LPO: variants seen among roughly 807,000 people sequenced by gnomAD.
LPO encodes salivary peroxidase.
LPO carries 70 observed loss-of-function variants against 68.4 expected under a neutral mutation model. The ratio of observed to expected loss-of-function variants is 1.02; its 90% CI spans 0.84 to 1.25. LPO has a LOEUF of 1.25. Ranked by LOEUF, LPO falls within the 50% of genes most tolerant of loss-of-function variation. The probability of loss-of-function intolerance (pLI) is 0.00; values close to 1 mark genes in which losing one functional copy is unlikely to be tolerated. For synonymous variants in LPO, 360 were observed against 357.6 expected, an observed-to-expected ratio of 1.01 and a Z score of -0.08; for missense variants, 873 against 908.4, an observed-to-expected ratio of 0.96 and a Z score of 0.50.
chr17:58,256,457 A>G (rs1007035462), intron 9 of LPO, among the ~76,000 whole-genome samples: 2 of 150,412 alleles, frequency 1.3e-5, no homozygotes, highest in African/African-American at 4.9e-5. Context: ...GTAGGCGCCT[A>G]TATGTATGGG....
At chr17:58,246,964 G>A (rs1391044853) in intron 3 of LPO, among the ~76,000 whole-genome samples, 1 of 152,160 alleles carries the variant, frequency 6.6e-6, no homozygotes, top group Non-Finnish European at 1.5e-5. Flanking sequence ...TGCCTCAAGG[G>A]CACACAACTA....
At chr17:58,247,875 C>T (rs1047274715) in intron 4 of LPO, among the ~76,000 whole-genome samples, 1 of 152,180 alleles carries the variant, frequency 6.6e-6, no homozygotes, top group Non-Finnish European at 1.5e-5. Flanking sequence ...CTCACATGGC[C>T]GACTCCAAGT....
At chr17:58,254,434 A>T (rs1970028961) in intron 8 of LPO, 1 of 156,684 alleles carries the variant, frequency 6.4e-6, no homozygotes, top group Admixed American at 6.4e-5. Context: ...CTCCTCATTC[A>T]TTCGAAGCTC....
intron 4 of LPO, among the ~76,000 whole-genome samples, chr17:58,248,171 A>C (rs1176150696): frequency 1.3e-5 from 2 of 152,034 alleles, no homozygotes; most frequent in Non-Finnish European, 2.9e-5. Context: ...CCCCAACCAA[A>C]TGCCACAGCC....
intron 8 of LPO, 87 bp downstream of exon 8, chr17:58,252,593 T>C (rs933608795): frequency 7.5e-7 from 1 of 1,332,516 alleles, no homozygotes; most frequent in African/African-American, 1.5e-5. Flanking sequence ...GTCATCTTTC[T>C]GGAAAAATGC....
intron 9 of LPO, among the ~76,000 whole-genome samples, chr17:58,261,298 T>A (rs558745511): frequency 6.6e-6 from 1 of 152,252 alleles, no homozygotes; most frequent in Non-Finnish European, 1.5e-5. Context: ...ATTTTAAAGC[T>A]TTAAAGTTCT....
At chr17:58,246,252 C>T (rs1375667065) in intron 3 of LPO, among the ~76,000 whole-genome samples, 2 of 152,124 alleles carry the variant, frequency 1.3e-5, no homozygotes, top group African/African-American at 4.8e-5. Flanking sequence ...CAAGGAGGAT[C>T]ACGCATAAGG....
chr17:58,248,940 A>G (rs1969902281), intron 4 of LPO, 120 bp from the exon 5 acceptor site: 1 of 777,120 alleles, frequency 1.3e-6, no homozygotes, highest in Admixed American at 1.8e-5. Context: ...AGAAACGCTT[A>G]CTTAGAATGG....
intron 1 of LPO, among the ~76,000 whole-genome samples, chr17:58,239,099 G>T (rs1969710026): frequency 6.6e-6 from 1 of 152,016 alleles, no homozygotes; most frequent in Non-Finnish European, 1.5e-5. Context: ...GGAAAACAGT[G>T]ACAGAATGGT....
chr17:58,247,091 C>T (rs8178314), intron 3 of LPO, among the ~76,000 whole-genome samples: 3,559 of 152,236 alleles, frequency 0.023, 138 homozygotes, highest in African/African-American at 0.081. Flanking sequence ...ACTCAGAGGT[C>T]ATATAATTAA....
chr17:58,263,509 C>T (rs1484875526), intron 9 of LPO, among the ~76,000 whole-genome samples: 1 of 152,136 alleles, frequency 6.6e-6, no homozygotes, highest in East Asian at 1.9e-4. Context: ...GAGGCCGAGG[C>T]GGGTGGATCA....
intron 2 of LPO, 43 bp downstream of exon 2, chr17:58,243,098 A>G (rs367659274): frequency 1.3e-5 from 21 of 1,568,744 alleles, no homozygotes; most frequent in Non-Finnish European, 1.7e-5. Context: ...TGCTGTCACA[A>G]AGCACACCAA....
At chr17:58,250,686 C>T (rs1365522867) in intron 7 of LPO, 65 bp downstream of exon 7, 5 of 1,481,166 alleles carry the variant, frequency 3.4e-6, no homozygotes, top group Non-Finnish European at 4.7e-6. Context: ...CAGACATTCC[C>T]AGCTCATCAG....
chr17:58,267,201 T>TA (rs1241275588), intron 11 of LPO, 148 bp from the exon 12 acceptor site: 2 of 615,132 alleles, frequency 3.3e-6, no homozygotes, highest in Non-Finnish European at 5.7e-6. Context: ...GAAGTGCAGA[T>TA]AAAAAACAAT....
intron 2 of LPO, 86 bp from the exon 3 acceptor site, chr17:58,243,908 C>A: frequency 1.1e-6 from 1 of 887,756 alleles, no homozygotes; most frequent in Non-Finnish European, 1.9e-6. Flanking sequence ...GGGGTAATGG[C>A]CGAGAAAGAG....
chr17:58,266,354 G>A (rs372927660), intron 11 of LPO, 28 bp downstream of exon 11: 4 of 1,605,130 alleles, frequency 2.5e-6, no homozygotes, highest in Non-Finnish European at 3.4e-6. Flanking sequence ...GGCCTGCACT[G>A]GGGAAATTTT....
chr17:58,250,479 G>C lies in LPO; in HGVS notation c.638G>C (p.Arg213Thr), dbSNP rs754892059. 6.2e-7 allele frequency: 1 copy of C among 1,614,154 alleles called. No homozygotes were observed. The highest frequency in any genetic ancestry group is 8.5e-7 in the Non-Finnish European group (1 of 1,180,022). Residue 213 changes from arginine to threonine, a missense_variant, in exon 7 of 13, where the codon AGG becomes ACG. By Grantham distance (71) the Arg-to-Thr change is moderately conservative. Coordinates refer to ENST00000262290, the MANE Select transcript of LPO (RefSeq NM_006151.3). Reference protein sequence around the residue: ...LNEEGVLDQNRSLLFMQWGQI... With the variant: ...LNEEGVLDQNTSLLFMQWGQI... ...GAGGAGGGTGTTCTGGACCAAAACA[G>C]GTCCCTGCTCTTCATGCAGTGGGGT...
intron 9 of LPO, among the ~76,000 whole-genome samples, chr17:58,257,225 C>T (rs146157655): frequency 2.0e-4 from 30 of 152,116 alleles, no homozygotes; most frequent in African/African-American, 6.5e-4. Flanking sequence ...TGAGCCACCG[C>T]GCCTGGCCAT....
chr17:58,259,977 G>A (rs907530838), intron 9 of LPO, among the ~76,000 whole-genome samples: 7 of 151,866 alleles, frequency 4.6e-5, no homozygotes, highest in East Asian at 1.9e-4. Context: ...CACCATGCCC[G>A]GCTAATTTCT....
Sources: allele counts gnomAD v4.1 joint callset (sites outside exome capture counted in the v4.1 genomes callset), GRCh38; gene constraint gnomAD v4.1.1; transcripts MANE v1.5; gene names NCBI Gene and HGNC (gene_info 2026-07-23, HGNC 2026-07-21).